The following VRTN variants were observed in gnomAD, a reference collection of about 807,000 sequenced individuals.
The protein encoded by VRTN is vertebrae development associated, also known as vertnin.
In VRTN, 5 loss-of-function variants were observed where a neutral mutation model predicts 18.2. The ratio of observed to expected loss-of-function variants is 0.27; its 90% CI spans 0.14 to 0.58. The LOEUF (loss-of-function observed/expected upper bound fraction) is 0.58. VRTN is among the 20% of genes least tolerant of loss of function. The probability of loss-of-function intolerance (pLI) is 0.91; values close to 1 mark genes in which losing one functional copy is unlikely to be tolerated. For missense variants in VRTN, 741 were observed against 939.4 expected (o/e 0.79, Z 2.76); for synonymous variants, 381 against 393.7 (o/e 0.97, Z 0.38).
At chr14:74,311,734 A>G (rs569757695) in intron 1 of VRTN, among the ~76,000 whole-genome samples, 69 of 141,884 alleles carry the variant, frequency 4.9e-4, no homozygotes, top group African/African-American at 1.9e-3. Context: ...ACACTTTGTA[A>G]TATATCTTGG....
rs189366099 is a variant in VRTN, at chr14:74,330,927, C to T, written c.-163-6796C>T. 8.6e-5 allele frequency among the ~76,000 whole-genome samples: 13 copies of T among 151,628 alleles called. No individual in the cohort carries two copies. In the East Asian group the frequency reaches 2.4e-3, roughly 28 times the overall value. ...ATAAAACACAAGTCTGGGCCGGGCA[C>T]GGTGGCTCACGCCTGTAATCCCAGC... is the stretch of plus-strand genomic sequence containing the variant. On this transcript the variant is annotated intron_variant, in intron 1 of 2. Transcript: ENST00000557177.
rs12433381 is a variant in VRTN at position 74,336,647 on chromosome 14, G to A, written c.-163-1076G>A. Among the ~76,000 whole-genome samples the A allele has an allele frequency of 5.6e-3, 852 of 152,164 alleles. 23 individuals carry two copies. The highest frequency in any genetic ancestry group is 0.043 in the Admixed American group (653 of 15,254). ...AGATCTATTGACACATCAGTAGTGG[G>A]TAATATAATTGAACTAAAATGTTCC... On this transcript the variant is annotated intron_variant, in intron 1 of 2. Transcript: ENST00000557177.
chr14:74,320,313 T>C (rs1304110897), intron 1 of VRTN, among the ~76,000 whole-genome samples: 2 of 127,766 alleles, frequency 1.6e-5, no homozygotes, highest in African/African-American at 3.0e-5. Flanking sequence ...CAGGCTGGAG[T>C]GCAGTGGCAC....
chr14:74,329,110 A>G (rs1463954859), intron 1 of VRTN, among the ~76,000 whole-genome samples: 1 of 150,386 alleles, frequency 6.6e-6, no homozygotes, highest in Non-Finnish European at 1.5e-5. Context: ...GTCTCTACTA[A>G]AAAAAAAATA....
At chr14:74,307,701 T>G (rs2085362596) in intron 1 of VRTN, among the ~76,000 whole-genome samples, 1 of 152,136 alleles carries the variant, frequency 6.6e-6, no homozygotes, top group South Asian at 2.1e-4. Flanking sequence ...TGAGTTTATA[T>G]TTCAGAGTTA....
At chr14:74,314,956 A>G (rs1017944944) in intron 1 of VRTN, among the ~76,000 whole-genome samples, 3 of 152,172 alleles carry the variant, frequency 2.0e-5, no homozygotes, top group Admixed American at 1.3e-4. Context: ...CAGCTCCTAC[A>G]CAGAAGGATG....
intron 2 of VRTN, among the ~76,000 whole-genome samples, chr14:74,340,024 C>T (rs2085590542): frequency 6.6e-6 from 1 of 152,078 alleles, no homozygotes; most frequent in Non-Finnish European, 1.5e-5. Flanking sequence ...CAACCTCTGC[C>T]TCCTGGGTTC....
intron 1 of VRTN, among the ~76,000 whole-genome samples, chr14:74,337,463 G>A (rs920248291): frequency 1.3e-5 from 2 of 152,164 alleles, no homozygotes; most frequent in Non-Finnish European, 2.9e-5. Flanking sequence ...GGAGTTGGGA[G>A]TAAACTAACC....
Position 74,358,915 on chromosome 14 carries a change from GGAA to G in VRTN, c.*28_*30del. On this transcript the variant is annotated 3_prime_UTR_variant, in exon 2 of 2. Transcript: ENST00000256362. The surrounding 1 kb of genome is among the most constrained non-coding windows in gnomAD (Gnocchi z 5.4). ...TGACAGGGAGGTACAAAAGGGGCTG[GGAA>G]GAAGGGGGACCAGTTTGGAGAGGGT... 6.3e-7 allele frequency: 1 copy of G among 1,585,482 alleles called. No homozygotes were observed.
At chr14:74,329,325 T>C (rs1366958310) in intron 1 of VRTN, among the ~76,000 whole-genome samples, 1 of 151,758 alleles carries the variant, frequency 6.6e-6, no homozygotes, top group Non-Finnish European at 1.5e-5. Context: ...CAGGCTGGCC[T>C]GCAGTGGCAT....
In VRTN at chr14:74,357,321, G is replaced by A. The variant is rs776888820; in HGVS notation, c.538G>A (p.Ala180Thr). 4 of 1,613,766 alleles carry A rather than the reference G, an allele frequency of 2.5e-6. No individual in the cohort carries two copies. Among genetic ancestry groups the A allele is most frequent in the Admixed American group, 1.7e-5 (1 of 59,992 alleles). ...CAACGTGTGGCACTTGTATGCTCTC[G>A]CCTCTGTCCTCCAGCGGAACATCTA... ...FSNVWHLYAL[A>T]SVLQRNIYSI... Residue 180 changes from alanine (A) to threonine (T), a missense_variant, in exon 2 of 2, where the codon GCC (alanine) becomes ACC (threonine). Around this residue, in one of 3 missense-constraint regions of VRTN, gnomAD observed 186 missense variants for 288.3 expected, o/e 0.65. Transcript: ENST00000256362. The surrounding 1 kb of genome is among the most constrained non-coding windows in gnomAD (Gnocchi z 7.8).
chr14:74,324,477 A>T (rs2085476049), intron 1 of VRTN, among the ~76,000 whole-genome samples: 1 of 152,048 alleles, frequency 6.6e-6, no homozygotes, highest in Non-Finnish European at 1.5e-5. Context: ...AGATTTACAC[A>T]TACTTCTCAG....
intron 1 of VRTN, among the ~76,000 whole-genome samples, chr14:74,327,919 C>T (rs149785544): frequency 6.6e-6 from 1 of 152,056 alleles, no homozygotes. Context: ...CAGGGTTTCA[C>T]AATGTTGGCC....
In VRTN at chr14:74,357,634, ACCT is replaced by A. The variant is rs778124500; in HGVS notation, c.853_855del (p.Leu285del). 3.7e-6 allele frequency: 6 copies of A among 1,613,536 alleles called. No individual in the cohort carries two copies. In the East Asian group the frequency reaches 1.3e-4, roughly 36 times the overall value. On this transcript the variant is annotated inframe_deletion, in exon 2 of 2. Coordinates refer to ENST00000256362, the MANE Select transcript of VRTN (RefSeq NM_018228.3). This position sits in a 1 kb window ranked among gnomAD's most constrained non-coding sequence, Gnocchi z 7.8. ...CGTGAACCTGGCCTCAGCTACTCTC[ACCT>A]CTGTGAGCGCTACAGCGTCACCAAA...
chr14:74,346,746 A>G (rs78517262), upstream of VRTN, among the ~76,000 whole-genome samples: 1 of 152,216 alleles, frequency 6.6e-6, no homozygotes, highest in East Asian at 1.9e-4. Context: ...CTTTAAAAAA[A>G]TTTCCCAATT....
chr14:74,330,101 C>T (rs1484114240), intron 1 of VRTN, among the ~76,000 whole-genome samples: 1 of 151,912 alleles, frequency 6.6e-6, no homozygotes, highest in African/African-American at 2.4e-5. Flanking sequence ...TCTTGAGCTC[C>T]TAACCTCAAG....
chr14:74,330,548 T>C (rs1595168164), intron 1 of VRTN, among the ~76,000 whole-genome samples: 1 of 151,644 alleles, frequency 6.6e-6, no homozygotes. Flanking sequence ...TTCAAGTGAT[T>C]CTCCTGCCTC....
intron 1 of VRTN, among the ~76,000 whole-genome samples, chr14:74,326,515 A>G (rs559263310): frequency 4.5e-4 from 69 of 152,198 alleles, no homozygotes; most frequent in African/African-American, 1.6e-3. Flanking sequence ...CTGAGCTGCC[A>G]TTCTCATATC....
At chr14:74,306,156 A>ATTTTTTTTTTTTTTTTT (rs1567036588) in intron 1 of VRTN, 1 of 73,420 alleles carries the variant, frequency 1.4e-5, no homozygotes, top group African/African-American at 7.0e-5. Flanking sequence ...ATATATATAT[A>ATTTTTTTTTTTTTTTTT]TATATATATA....
Sources: allele counts gnomAD v4.1 joint callset (sites outside exome capture counted in the v4.1 genomes callset), GRCh38; gene constraint gnomAD v4.1.1; regional missense constraint gnomAD v4.1.1; non-coding constraint Gnocchi (gnomAD v3.1); transcripts MANE v1.5; gene names NCBI Gene and HGNC (gene_info 2026-07-23, HGNC 2026-07-21).